Variants in PALLD observed in about 807,000 individuals in gnomAD.
The protein encoded by PALLD is palladin, cytoskeletal associated protein, also known as palladin.
A neutral mutation model predicts 123.5 loss-of-function variants in PALLD; 61 were observed. The observed-to-expected ratio is 0.49, with a 90% CI of 0.40 to 0.61. PALLD has a LOEUF of 0.61. Ranked by LOEUF, PALLD falls within the 20% of genes least tolerant of loss-of-function variation. The probability of loss-of-function intolerance (pLI) is 0.00; values close to 1 mark genes in which losing one functional copy is unlikely to be tolerated. For missense variants in PALLD, 1,273 were observed against 1,377.0 expected, an observed-to-expected ratio of 0.92 and a Z score of 1.20; for synonymous variants, 465 against 496.4, an observed-to-expected ratio of 0.94 and a Z score of 0.84.
intron 10 of PALLD, among the ~76,000 whole-genome samples, chr4:168,860,169 C>G (rs1390022156): frequency 6.6e-6 from 1 of 152,184 alleles, no homozygotes; most frequent in Non-Finnish European, 1.5e-5. Context: ...ATGCTCATCT[C>G]TTATCTTTTC....
At chr4:168,664,184 G>A (rs947824461) in intron 2 of PALLD, among the ~76,000 whole-genome samples, 2 of 152,136 alleles carry the variant, frequency 1.3e-5, no homozygotes, top group African/African-American at 4.8e-5. Context: ...CTAACAACCC[G>A]TGAATATGTT....
chr4:168,621,530 T>C (rs752127637), intron 2 of PALLD, among the ~76,000 whole-genome samples: 8 of 152,222 alleles, frequency 5.3e-5, no homozygotes, highest in African/African-American at 1.9e-4. Flanking sequence ...TAGTTAATCC[T>C]AGAAATTTTT....
At chr4:168,552,862 G>T (rs1345627556) in intron 2 of PALLD, among the ~76,000 whole-genome samples, 1 of 151,992 alleles carries the variant, frequency 6.6e-6, no homozygotes, top group African/African-American at 2.4e-5. Context: ...TTTTAATAGA[G>T]ACAGGGTTTC....
At chr4:168,635,907 C>T (rs1331550832) in intron 2 of PALLD, among the ~76,000 whole-genome samples, 1 of 152,200 alleles carries the variant, frequency 6.6e-6, no homozygotes, top group African/African-American at 2.4e-5. Context: ...AAGAAGGCAA[C>T]ATTGTATGAT....
At chr4:168,586,773 A>C (rs1446185099) in intron 2 of PALLD, among the ~76,000 whole-genome samples, 1 of 152,172 alleles carries the variant, frequency 6.6e-6, no homozygotes, top group African/African-American at 2.4e-5. Flanking sequence ...GAGGTCTTTC[A>C]AACCCTTATA....
chr4:168,926,651 C>A lies in PALLD; in HGVS notation c.*471C>A. The A allele has an allele frequency of 2.7e-6, 1 of 367,582 alleles. No homozygotes were observed. Among genetic ancestry groups the A allele is most frequent in the Non-Finnish European group, 5.0e-6 (1 of 201,198 alleles). 22.8% of individuals were successfully genotyped at this position (367,582 alleles called of 1,614,324 possible). On this transcript the variant is annotated 3_prime_UTR_variant, in exon 22 of 22. Coordinates refer to ENST00000505667, the MANE Select transcript of PALLD (RefSeq NM_001166108.2). ...TGCTGTGATTAAAGTGATCAAAATG[C>A]CAAAATACTAAAGGAAATCAATTGT...
intron 2 of PALLD, among the ~76,000 whole-genome samples, chr4:168,594,645 A>G (rs1771800149): frequency 6.6e-6 from 1 of 152,146 alleles, no homozygotes; most frequent in African/African-American, 2.4e-5. Flanking sequence ...CAATTGGGAT[A>G]TATTACAAAT....
At chr4:168,855,949 C>T (rs1184586612) in intron 10 of PALLD, among the ~76,000 whole-genome samples, 3 of 152,216 alleles carry the variant, frequency 2.0e-5, no homozygotes, top group Admixed American at 2.0e-4. Flanking sequence ...GATCCTCTCA[C>T]CCAGGTGGTG....
At chr4:168,498,524 T>C (rs985628690) in intron 1 of PALLD, among the ~76,000 whole-genome samples, 2 of 152,188 alleles carry the variant, frequency 1.3e-5, no homozygotes, top group South Asian at 2.1e-4. Context: ...AGATACCAAG[T>C]GGAATCTGCA....
intron 2 of PALLD, among the ~76,000 whole-genome samples, chr4:168,522,920 A>C (rs538730852): frequency 5.9e-4 from 90 of 152,274 alleles, no homozygotes; most frequent in Middle Eastern, 3.4e-3. Flanking sequence ...TACTAATTGC[A>C]AGTGAAAACT....
At chr4:168,760,758 A>C (rs1385904886) in intron 10 of PALLD, among the ~76,000 whole-genome samples, 2 of 152,212 alleles carry the variant, frequency 1.3e-5, no homozygotes, top group African/African-American at 2.4e-5. Flanking sequence ...CCAAGAAAAG[A>C]CTTTTCTGTT....
At chr4:168,745,053 T>A (rs1346652085) in intron 10 of PALLD, among the ~76,000 whole-genome samples, 1 of 152,238 alleles carries the variant, frequency 6.6e-6, no homozygotes, top group Non-Finnish European at 1.5e-5. Context: ...TGACTCTACC[T>A]CTTTAGTTCA....
chr4:168,639,886 C>T (rs1468495837), intron 2 of PALLD, among the ~76,000 whole-genome samples: 5 of 152,102 alleles, frequency 3.3e-5, no homozygotes, highest in Admixed American at 2.6e-4. Context: ...GTTAAGTCTC[C>T]CCTTAGCTTG....
chr4:168,879,718 C>G (rs1752353586), intron 10 of PALLD, among the ~76,000 whole-genome samples: 1 of 152,146 alleles, frequency 6.6e-6, no homozygotes, highest in African/African-American at 2.4e-5. Context: ...CTTCTCAAAT[C>G]CTTATTGGGT....
intron 10 of PALLD, among the ~76,000 whole-genome samples, chr4:168,820,326 G>A (rs777251607): frequency 2.2e-4 from 33 of 152,170 alleles, no homozygotes; most frequent in Non-Finnish European, 3.8e-4. Flanking sequence ...GGAAACTGAG[G>A]CACAGAGAGG....
At chr4:168,858,650 C>T (rs979975461) in intron 10 of PALLD, among the ~76,000 whole-genome samples, 28 of 152,080 alleles carry the variant, frequency 1.8e-4, no homozygotes, top group Admixed American at 3.3e-4. Context: ...GGCACGGTGG[C>T]ACATACCTGC....
chr4:168,820,802 A>G (rs997043106), intron 10 of PALLD, among the ~76,000 whole-genome samples: 6 of 152,154 alleles, frequency 3.9e-5, no homozygotes, highest in Admixed American at 1.3e-4. Flanking sequence ...TAATTTTTCT[A>G]TTTGAATATG....
intron 2 of PALLD, among the ~76,000 whole-genome samples, chr4:168,595,714 A>G (rs1482878460): frequency 6.6e-6 from 1 of 152,150 alleles, no homozygotes; most frequent in Non-Finnish European, 1.5e-5. Flanking sequence ...TTCAGTCGTG[A>G]GAGTGCAGGA....
At chr4:168,878,029 C>T (rs865923291) in intron 10 of PALLD, 1 of 1,489,886 alleles carries the variant, frequency 6.7e-7, no homozygotes, top group South Asian at 1.3e-5. Flanking sequence ...CCAGCCCCAG[C>T]TCGTCCAGCC....
Sources: allele counts gnomAD v4.1 joint callset (sites outside exome capture counted in the v4.1 genomes callset), GRCh38; gene constraint gnomAD v4.1.1; transcripts MANE v1.5; gene names NCBI Gene and HGNC (gene_info 2026-07-23, HGNC 2026-07-21).